Variants in DRC11 observed in about 807,000 individuals in gnomAD.
DRC11 encodes dynein regulatory complex subunit 11.
At chr2:236,343,614 A>G in the DRC11 span, 1 of 771,690 alleles carries the variant, frequency 1.3e-6, no homozygotes, top group Non-Finnish European at 2.0e-6. This position sits in a 1 kb window ranked among gnomAD's most constrained non-coding sequence, Gnocchi z 6.6. Flanking sequence ...CAGGTGTGTG[A>G]CACGTGAGAC....
chr2:236,357,210 T>G, the DRC11 span, among the ~76,000 whole-genome samples: 231 of 112,102 alleles, frequency 2.1e-3, 7 homozygotes, highest in Non-Finnish European at 2.9e-3. Flanking sequence ...ATTATATTCA[T>G]ATAGTATATA....
At chr2:236,452,441 A>G in the DRC11 span, among the ~76,000 whole-genome samples, 1 of 151,936 alleles carries the variant, frequency 6.6e-6, no homozygotes, top group Non-Finnish European at 1.5e-5. The surrounding 1 kb of genome is among the most constrained non-coding windows in gnomAD (Gnocchi z 4.7). Flanking sequence ...TCATCCAGCC[A>G]CCTCCATTAA....
chr2:236,343,742 C>T, the DRC11 span: 16 of 1,304,040 alleles, frequency 1.2e-5, no homozygotes, highest in Admixed American at 1.6e-4. This position sits in a 1 kb window ranked among gnomAD's most constrained non-coding sequence, Gnocchi z 6.6. Flanking sequence ...AATGCAGCAA[C>T]TTCGCCAGCA....
the DRC11 span, among the ~76,000 whole-genome samples, chr2:236,352,581 G>A: frequency 6.6e-6 from 1 of 152,148 alleles, no homozygotes; most frequent in African/African-American, 2.4e-5. The surrounding 1 kb of genome is among the most constrained non-coding windows in gnomAD (Gnocchi z 7.0). Context: ...GTGTTCTTTA[G>A]TAAAAATCTC....
the DRC11 span, among the ~76,000 whole-genome samples, chr2:236,356,877 ATATT>A: frequency 3.5e-5 from 5 of 143,066 alleles, no homozygotes; most frequent in African/African-American, 1.3e-4. Flanking sequence ...TATTTATCAA[ATATT>A]TATACTTTTT....
chr2:236,364,640 G>A, the DRC11 span, among the ~76,000 whole-genome samples: 1 of 152,084 alleles, frequency 6.6e-6, no homozygotes, highest in South Asian at 2.1e-4. Flanking sequence ...GCCCAGAAGG[G>A]GCCTCAGGTG....
chr2:236,451,742 T>C, the DRC11 span, among the ~76,000 whole-genome samples: 4 of 151,968 alleles, frequency 2.6e-5, no homozygotes, highest in African/African-American at 7.3e-5. Context: ...AAAGAAGCAG[T>C]TGGGAGGCTA....
chr2:236,444,032 T>G, the DRC11 span, among the ~76,000 whole-genome samples: 2 of 152,070 alleles, frequency 1.3e-5, no homozygotes, highest in African/African-American at 2.4e-5. Flanking sequence ...CACTTTTTAA[T>G]GGGGTTGTTT....
At chr2:236,472,317 T>A in the DRC11 span, among the ~76,000 whole-genome samples, 93 of 152,276 alleles carry the variant, frequency 6.1e-4, no homozygotes, top group Non-Finnish European at 1.1e-3. The surrounding 1 kb of genome is among the most constrained non-coding windows in gnomAD (Gnocchi z 4.6). Context: ...GCCTCCACAA[T>A]TCCCCCCTGC....
chr2:236,483,698 G>A, the DRC11 span, among the ~76,000 whole-genome samples: 5 of 152,196 alleles, frequency 3.3e-5, no homozygotes, highest in African/African-American at 1.2e-4. The surrounding 1 kb of genome is among the most constrained non-coding windows in gnomAD (Gnocchi z 4.8). Context: ...TGCAGGATGA[G>A]GGGCCAGGGT....
chr2:236,380,725 G>T, the DRC11 span: 1 of 960,518 alleles, frequency 1.0e-6, no homozygotes, highest in Non-Finnish European at 1.6e-6. The surrounding 1 kb of genome is among the most constrained non-coding windows in gnomAD (Gnocchi z 4.9). Flanking sequence ...TGTTTTCTGG[G>T]GGTGGTGGGA....
At chr2:236,452,979 G>C in the DRC11 span, among the ~76,000 whole-genome samples, 1 of 152,144 alleles carries the variant, frequency 6.6e-6, no homozygotes, top group Non-Finnish European at 1.5e-5. The surrounding 1 kb of genome is among the most constrained non-coding windows in gnomAD (Gnocchi z 4.7). Context: ...TACTTGTGTA[G>C]AAAAATGAAT....
the DRC11 span, chr2:236,343,619 T>G: frequency 2.3e-5 from 19 of 829,358 alleles, no homozygotes; most frequent in Non-Finnish European, 3.2e-5. This position sits in a 1 kb window ranked among gnomAD's most constrained non-coding sequence, Gnocchi z 6.6. Context: ...GTGTGACACG[T>G]GAGACGAAAC....
the DRC11 span, among the ~76,000 whole-genome samples, chr2:236,424,485 C>G: frequency 8.9e-4 from 136 of 152,266 alleles, no homozygotes; most frequent in Admixed American, 1.8e-3. Flanking sequence ...ATACTGTTAA[C>G]TAGCCAAGAA....
At chr2:236,501,843 C>G in the DRC11 span, among the ~76,000 whole-genome samples, 1 of 152,158 alleles carries the variant, frequency 6.6e-6, no homozygotes. Context: ...GAACTCGGAT[C>G]TGAAACTCCA....
the DRC11 span, among the ~76,000 whole-genome samples, chr2:236,369,962 A>T: frequency 1.3e-5 from 2 of 152,252 alleles, no homozygotes. This position sits in a 1 kb window ranked among gnomAD's most constrained non-coding sequence, Gnocchi z 4.5. Context: ...GCTGCACGAC[A>T]GGTGGAATCG....
the DRC11 span, among the ~76,000 whole-genome samples, chr2:236,409,928 T>C: frequency 6.6e-6 from 1 of 152,244 alleles, no homozygotes; most frequent in Non-Finnish European, 1.5e-5. Flanking sequence ...TTTGTGTATA[T>C]TGAACCAGCC....
chr2:236,414,653 T>C, the DRC11 span, among the ~76,000 whole-genome samples: 1 of 152,160 alleles, frequency 6.6e-6, no homozygotes, highest in African/African-American at 2.4e-5. Flanking sequence ...TCTCTTCCAC[T>C]AGCCCTGAGC....
the DRC11 span, among the ~76,000 whole-genome samples, chr2:236,478,757 C>T: frequency 6.7e-6 from 1 of 149,968 alleles, no homozygotes; most frequent in Admixed American, 6.6e-5. This position sits in a 1 kb window ranked among gnomAD's most constrained non-coding sequence, Gnocchi z 5.9. Flanking sequence ...TATTATCTTG[C>T]TGAATTGACC....
Sources: allele counts gnomAD v4.1 joint callset (sites outside exome capture counted in the v4.1 genomes callset), GRCh38; gene constraint gnomAD v4.1.1; non-coding constraint Gnocchi (gnomAD v3.1); transcripts MANE v1.5; gene names NCBI Gene and HGNC (gene_info 2026-07-23, HGNC 2026-07-21).